The following CLOCK variants were observed in gnomAD, a reference collection of about 807,000 sequenced individuals.
CLOCK encodes clock circadian regulator.
A neutral mutation model predicts 118.4 loss-of-function variants in CLOCK; 43 were observed. The ratio of observed to expected loss-of-function variants is 0.36; its 90% confidence interval spans 0.28 to 0.47. The LOEUF (loss-of-function observed/expected upper bound fraction) is 0.47. Ranked by LOEUF, CLOCK falls within the 20% of genes least tolerant of loss-of-function variation. The pLI is 1.00. For missense variants in CLOCK, 846 were observed against 999.9 expected (o/e 0.85, Z 2.08); for synonymous variants, 326 against 339.2 (o/e 0.96, Z 0.43).
intron 14 of CLOCK, 31 bp from the exon 15 acceptor site, chr4:55,453,160 T>C (rs1724619060): frequency 1.3e-6 from 2 of 1,553,868 alleles, no homozygotes; most frequent in Middle Eastern, 3.4e-4. Flanking sequence ...CAAATTTTAG[T>C]GTCTGGTCAT....
At chr4:55,448,599 C>CGTGT (rs1328426824) in intron 18 of CLOCK, among the ~76,000 whole-genome samples, 180 bp downstream of exon 18, 41 of 105,664 alleles carry the variant, frequency 3.9e-4, no homozygotes, top group Admixed American at 5.9e-4. Flanking sequence ...CGCGCACGCG[C>CGTGT]GCGTGTGTGT....
At chr4:55,465,110 C>T (rs1725645991) in intron 8 of CLOCK, among the ~76,000 whole-genome samples, 2 of 152,076 alleles carry the variant, frequency 1.3e-5, no homozygotes, top group African/African-American at 4.8e-5. Context: ...TTCAGCCAAC[C>T]ATGGATCAAA....
Position 55,499,896 on chromosome 4 carries a change from G to T in CLOCK, c.-136+10016C>A, listed in dbSNP as rs113909901. 1.7e-3 allele frequency among the ~76,000 whole-genome samples: 256 copies of T among 152,278 alleles called. 2 individuals carry two copies. The highest frequency in any genetic ancestry group is 1.0e-3 in the Non-Finnish European group (71 of 68,018). ...TAGGGAATCTCCCCCCAAACTAGGTGTCTTCTCTTTGAGACTTCCAAAGCA... is the reference window on the plus strand; with the variant it reads ...TAGGGAATCTCCCCCCAAACTAGGTTTCTTCTCTTTGAGACTTCCAAAGCA... On this transcript the variant is annotated intron_variant, in intron 2 of 22. Coordinates refer to ENST00000513440, the MANE Select transcript of CLOCK (RefSeq NM_004898.4).
chr4:55,536,241 G>GA (rs776570080), intron 1 of CLOCK, among the ~76,000 whole-genome samples: 5 of 152,096 alleles, frequency 3.3e-5, no homozygotes, highest in African/African-American at 4.8e-5. Flanking sequence ...GACAACATCT[G>GA]AAAAAACAAG....
chr4:55,511,238 C>T (rs1033724787), intron 1 of CLOCK, among the ~76,000 whole-genome samples: 5 of 152,086 alleles, frequency 3.3e-5, no homozygotes, highest in African/African-American at 1.2e-4. Context: ...TATATTTATT[C>T]AATCCTCACA....
At chr4:55,520,662 A>G (rs1428555736) in intron 1 of CLOCK, among the ~76,000 whole-genome samples, 1 of 152,204 alleles carries the variant, frequency 6.6e-6, no homozygotes, top group Non-Finnish European at 1.5e-5. Flanking sequence ...TTCTAAGGAA[A>G]CAAAGTGAGG....
chr4:55,475,688 C>T (rs1385339308), intron 7 of CLOCK, among the ~76,000 whole-genome samples: 11 of 152,174 alleles, frequency 7.2e-5, no homozygotes, highest in Admixed American at 7.2e-4. Context: ...AAGATTAAGA[C>T]TTGCTGAAGG....
chr4:55,436,787 A>C (rs1386450167), intron 22 of CLOCK, among the ~76,000 whole-genome samples: 1 of 152,146 alleles, frequency 6.6e-6, no homozygotes, highest in Non-Finnish European at 1.5e-5. Context: ...TAGGTATTAC[A>C]TAATTTAGAA....
intron 9 of CLOCK, among the ~76,000 whole-genome samples, chr4:55,459,850 T>C (rs1725204966): frequency 6.6e-6 from 1 of 152,018 alleles, no homozygotes; most frequent in Admixed American, 6.6e-5. Context: ...TTTATAGAAA[T>C]GGGGTCTCAC....
At chr4:55,482,662 T>C in intron 4 of CLOCK, 77 bp downstream of exon 4, 1 of 985,680 alleles carries the variant, frequency 1.0e-6, no homozygotes, top group Non-Finnish European at 1.5e-6. Flanking sequence ...CTTCTATCAA[T>C]TTCATATAGA....
intron 1 of CLOCK, among the ~76,000 whole-genome samples, chr4:55,529,777 T>G (rs1021306): frequency 0.75 from 114,530 of 151,990 alleles, 43,481 homozygotes; most frequent in East Asian, 0.9. Context: ...TGTGGAGCTG[T>G]GATCTAAACC....
chr4:55,544,682 G>T (rs1731493583), intron 1 of CLOCK, among the ~76,000 whole-genome samples: 1 of 152,246 alleles, frequency 6.6e-6, no homozygotes, highest in African/African-American at 2.4e-5. Flanking sequence ...ATTTGGGGGA[G>T]GAGGATTTTT....
intron 1 of CLOCK, among the ~76,000 whole-genome samples, chr4:55,545,235 C>T (rs576898882): frequency 2.8e-4 from 42 of 152,220 alleles, no homozygotes; most frequent in African/African-American, 1.0e-3. Context: ...TCTGTTCAGC[C>T]AACCACTTAT....
Position 55,538,421 on chromosome 4 carries a change from AC to A in CLOCK, c.-290+8360del, listed in dbSNP as rs1213751194. ...GTCTATAAAACAACATCAAAGGAAT[AC>A]TCTAGAACTCAAAACCACAATGTAA... On this transcript the variant is annotated intron_variant, in intron 1 of 22. Coordinates refer to ENST00000513440, the MANE Select transcript of CLOCK (RefSeq NM_004898.4). 3.3e-5 allele frequency among the ~76,000 whole-genome samples: 5 copies of A among 152,224 alleles called. No individual in the cohort carries two copies. In the East Asian group the frequency reaches 9.6e-4, roughly 29 times the overall value.
In CLOCK at chr4:55,448,839, T is replaced by C. The variant is rs1407205809; in HGVS notation, c.1479A>G (p.Ser493=). Residue 493 remains serine (S), a synonymous_variant, in exon 18 of 23, where the codon TCA becomes TCG. Transcript: ENST00000513440. ...CTTGAGACATCACTGGCTGTGTTAA[T>C]GATGAACCAACAGACTGGGAATTTA... ...QSINSQSVGS[S]LTQPVMSQAT... is the part of the protein sequence containing the mutation. 3 of 1,613,956 alleles carry C rather than the reference T, an allele frequency of 1.9e-6. No homozygotes were observed. The highest frequency in any genetic ancestry group is 2.5e-6 in the Non-Finnish European group (3 of 1,179,908).
intron 16 of CLOCK, among the ~76,000 whole-genome samples, chr4:55,449,812 G>A (rs1036991628): frequency 2.3e-5 from 3 of 131,516 alleles, no homozygotes; most frequent in Non-Finnish European, 5.1e-5. Context: ...TGGCCCTACA[G>A]TAAAAAAACA....
rs1476067785 is a variant in CLOCK, at chr4:55,431,768, T to C, written c.*3647A>G. On this transcript the variant is annotated 3_prime_UTR_variant, in exon 23 of 23. Coordinates refer to ENST00000513440, the MANE Select transcript of CLOCK (RefSeq NM_004898.4). ...TATTTGCATTCCACTTTTAAAAAGTTTGCCTCAATGTAGTGGAAACATCTG... is the reference window on the plus strand; with the variant it reads ...TATTTGCATTCCACTTTTAAAAAGTCTGCCTCAATGTAGTGGAAACATCTG... The C allele has an allele frequency of 6.6e-6, 1 of 152,240 alleles. No individual in the cohort carries two copies. Among genetic ancestry groups the C allele is most frequent in the Non-Finnish European group, 1.5e-5 (1 of 68,032 alleles). 9.4% of individuals were successfully genotyped at this position (152,240 alleles called of 1,614,324 possible). A position where few individuals can be genotyped will look rare whatever the true frequency, so the allele number is the denominator to read the frequency against.
In CLOCK at chr4:55,431,586, T is replaced by C. The variant is rs866750451; in HGVS notation, c.*3829A>G. 2.0e-5 allele frequency: 3 copies of C among 152,176 alleles called. No individual in the cohort carries two copies. The highest frequency in any genetic ancestry group is 2.1e-4 in the South Asian group (1 of 4,832). 9.4% of individuals were successfully genotyped at this position (152,176 alleles called of 1,614,324 possible). A position where few individuals can be genotyped will look rare whatever the true frequency, so the allele number is the denominator to read the frequency against. On this transcript the variant is annotated 3_prime_UTR_variant, in exon 23 of 23. Transcript: ENST00000513440. ...CTCACTCAGCAACATTAATATCCAG[T>C]GTTTACCCCCTTCCAACAGGGACTC...
rs138834493 is a variant in CLOCK at position 55,457,306 on chromosome 4, T to C, written c.793-1006A>G. Among the ~76,000 whole-genome samples the C allele has an allele frequency of 3.3e-5, 5 of 152,332 alleles. No homozygotes were observed. The East Asian group carries it at 9.6e-4, about 29-fold the overall frequency. ...TAGAAATCTGATAGTTAAAAAAACA[T>C]ACTCTTTCATTTTTACCTTTCATCA... is the stretch of plus-strand genomic sequence containing the variant. On this transcript the variant is annotated intron_variant, in intron 11 of 22. Transcript: ENST00000513440.
Sources: gnomAD v4.1 joint callset for allele counts (sites outside exome capture counted in the v4.1 genomes callset) on GRCh38, gnomAD v4.1.1 for gene constraint, MANE v1.5 for transcripts, NCBI Gene and HGNC (gene_info 2026-07-23, HGNC 2026-07-21) for gene names.